The following FLNB variants were observed in gnomAD, a reference collection of about 807,000 sequenced individuals.
The protein encoded by FLNB is filamin B.
FLNB carries 111 observed loss-of-function variants against 250.6 expected under a neutral mutation model. The ratio of observed to expected loss-of-function variants is 0.44; its 90% confidence interval spans 0.38 to 0.52. The LOEUF is 0.52. Ranked by LOEUF, FLNB falls within the 20% of genes least tolerant of loss-of-function variation. The probability of loss-of-function intolerance (pLI) is 0.00; values close to 1 mark genes in which losing one functional copy is unlikely to be tolerated. For missense variants in FLNB, 2,869 were observed against 3,447.8 expected, an observed-to-expected ratio of 0.83 and a Z score of 4.20; for synonymous variants, 1,302 against 1,372.1, an observed-to-expected ratio of 0.95 and a Z score of 1.13.
At chr3:58,167,810 G>A (rs559568101) in intron 43 of FLNB, among the ~76,000 whole-genome samples, 3 of 152,266 alleles carry the variant, frequency 2.0e-5, no homozygotes, top group East Asian at 1.9e-4. Flanking sequence ...TACCACATGC[G>A]TAAATGGTGC....
intron 1 of FLNB, among the ~76,000 whole-genome samples, chr3:58,065,906 G>A (rs2097184863): frequency 6.6e-6 from 1 of 152,204 alleles, no homozygotes; most frequent in Non-Finnish European, 1.5e-5. Context: ...TTGCCGAGCA[G>A]TTGTAGCTGG....
rs2097137460 is a variant in FLNB at position 58,035,919 on chromosome 3, T to A, written c.292+27063T>A. ...TATTGGAATTAACTTTCTACAGAGATGTACTTTCAAATGAGACCATCCTTC... is the reference window on the plus strand; with the variant it reads ...TATTGGAATTAACTTTCTACAGAGAAGTACTTTCAAATGAGACCATCCTTC... On this transcript the variant is annotated intron_variant, in intron 1 of 45. Coordinates refer to ENST00000295956, the MANE Select transcript of FLNB (RefSeq NM_001457.4). 1.3e-5 allele frequency among the ~76,000 whole-genome samples: 2 copies of A among 152,220 alleles called. 1 individual carries two copies. The highest frequency in any genetic ancestry group is 4.1e-4 in the South Asian group (2 of 4,830).
chr3:58,017,787 A>G (rs2097107854), intron 1 of FLNB, among the ~76,000 whole-genome samples: 1 of 152,348 alleles, frequency 6.6e-6, no homozygotes, highest in Admixed American at 6.5e-5. Flanking sequence ...AATTTTGGCC[A>G]GATCCCATGC....
Position 58,121,663 on chromosome 3 carries a change from C to T in FLNB, c.3126+160C>T, listed in dbSNP as rs140853041. On this transcript the variant is annotated intron_variant, in intron 20 of 45. Coordinates refer to ENST00000295956, the MANE Select transcript of FLNB (RefSeq NM_001457.4). ...GGTCCCCTGGGTAGGTGGGTCACAA[C>T]CCTGCTCCTCCTCTTGCTCTCTGAC... Among the ~76,000 whole-genome samples the T allele has an allele frequency of 7.0e-4, 106 of 152,308 alleles. 1 individual carries two copies. Among genetic ancestry groups the T allele is most frequent in the African/African-American group, 2.4e-3 (99 of 41,586 alleles).
intron 8 of FLNB, 69 bp from the exon 9 acceptor site, chr3:58,102,134 G>A: frequency 1.3e-6 from 2 of 1,592,506 alleles, no homozygotes; most frequent in Non-Finnish European, 1.7e-6. Context: ...GTGGCTCCAG[G>A]TTACCTTGGC....
At chr3:58,012,150 G>A (rs1345107378) in intron 1 of FLNB, among the ~76,000 whole-genome samples, 2 of 150,316 alleles carry the variant, frequency 1.3e-5, no homozygotes, top group Non-Finnish European at 2.9e-5. Context: ...GGTGGAGGTT[G>A]CAGTGAGCCG....
chr3:58,025,080 G>T (rs1203487528), intron 1 of FLNB, among the ~76,000 whole-genome samples: 3 of 126,384 alleles, frequency 2.4e-5, no homozygotes, highest in Non-Finnish European at 3.3e-5. Context: ...CTCCTGTAAT[G>T]TCCTTCCCTT....
chr3:58,132,839 T>C lies in FLNB; in HGVS notation c.4422T>C (p.Asn1474=). The change falls in exon 26 of 46, where the codon AAT becomes AAC. Residue 1474 remains asparagine (N), a synonymous_variant. Coordinates refer to ENST00000295956, the MANE Select transcript of FLNB (RefSeq NM_001457.4). ...TGGAGCCAGTGAACGTGGTGGACAA[T>C]GGAGATGGCACACACACAGTAACCT... ...GLVEPVNVVD[N]GDGTHTVTYT... 6.2e-7 allele frequency: 1 copy of C among 1,614,078 alleles called. No individual in the cohort carries two copies. Among genetic ancestry groups the C allele is most frequent in the Non-Finnish European group, 8.5e-7 (1 of 1,179,996 alleles).
At chr3:58,146,129 TA>T in intron 33 of FLNB, 80 bp downstream of exon 33, 1 of 1,487,386 alleles carries the variant, frequency 6.7e-7, no homozygotes, top group Non-Finnish European at 9.4e-7. Flanking sequence ...GGGTGGCTTT[TA>T]AAAGTGAGAC....
intron 1 of FLNB, among the ~76,000 whole-genome samples, chr3:58,060,769 C>CAAAAAAAAAAAAAAAAAAAAA (rs71091334): frequency 4.7e-5 from 3 of 64,208 alleles, no homozygotes; most frequent in Non-Finnish European, 8.5e-5. Context: ...GACCTTGTCT[C>CAAAAAAAAAAAAAAAAAAAAA]AAAAAAAAAA....
intron 29 of FLNB, among the ~76,000 whole-genome samples, chr3:58,138,894 T>C (rs913115039): frequency 6.6e-6 from 1 of 152,226 alleles, no homozygotes; most frequent in Non-Finnish European, 1.5e-5. Flanking sequence ...CCTTCTTCCA[T>C]CTTCATGGCC....
chr3:58,131,123 A>G (rs2097306645), intron 25 of FLNB, among the ~76,000 whole-genome samples: 1 of 152,184 alleles, frequency 6.6e-6, no homozygotes, highest in South Asian at 2.1e-4. Context: ...ATTTAATAAT[A>G]TGGCTATCAA....
intron 1 of FLNB, among the ~76,000 whole-genome samples, chr3:58,044,638 T>A (rs28537238): frequency 0.041 from 6,256 of 151,752 alleles, 413 homozygotes; most frequent in African/African-American, 0.14. Context: ...AAGTAAAAAA[T>A]TCAAATAAAT....
chr3:58,159,519 A>G, intron 41 of FLNB, 35 bp from the exon 42 acceptor site: 1 of 1,613,246 alleles, frequency 6.2e-7, no homozygotes, highest in East Asian at 2.2e-5. Context: ...AGGAACGCCG[A>G]GGGCCATAAC....
chr3:58,012,240 C>T (rs1407413013), intron 1 of FLNB, among the ~76,000 whole-genome samples: 4 of 148,650 alleles, frequency 2.7e-5, no homozygotes, highest in South Asian at 2.1e-4. Context: ...AAGTCATGCC[C>T]GAATGGTTTG....
At position 58,145,022 on chromosome 3, in the gene FLNB, G is replaced by A. The variant is rs373618273; in HGVS notation, c.5426-899G>A. Among the ~76,000 whole-genome samples the A allele has an allele frequency of 3.3e-4, 50 of 152,324 alleles. No homozygotes were observed. The South Asian group carries it at 4.1e-3, about 13-fold the overall frequency. On this transcript the variant is annotated intron_variant, in intron 32 of 45. Coordinates refer to ENST00000295956, the MANE Select transcript of FLNB (RefSeq NM_001457.4). ...GCCCTTTGTGGTAGGAGTTGCAAAT[G>A]TTTCTCTGAGATTGGCATTTACTTT...
intron 29 of FLNB, among the ~76,000 whole-genome samples, chr3:58,141,630 C>G (rs1559724625): frequency 6.6e-6 from 1 of 152,220 alleles, no homozygotes; most frequent in Non-Finnish European, 1.5e-5. Context: ...CAGCTTAGGT[C>G]TGCGTGCTAC....
In FLNB at chr3:58,168,471, C is replaced by G; in HGVS notation, c.7230C>G (p.Thr2410=). 6.2e-7 allele frequency: 1 copy of G among 1,614,132 alleles called. No homozygotes were observed. The highest frequency in any genetic ancestry group is 2.2e-5 in the East Asian group (1 of 44,886). ...GIQSEFFINT[T]RAGPGTLSVT... is the part of the protein sequence containing the mutation. ...AGTCGGAATTCTTTATTAACACCAC[C>G]CGAGCAGGTCCAGGGACATTATCCG... is the stretch of plus-strand genomic sequence containing the variant. The change falls in exon 44 of 46, where the codon ACC becomes ACG. Residue 2410 remains threonine (T), a synonymous_variant. Transcript: ENST00000295956.
At chr3:58,014,755 G>A (rs1312922972) in intron 1 of FLNB, among the ~76,000 whole-genome samples, 1 of 152,136 alleles carries the variant, frequency 6.6e-6, no homozygotes, top group African/African-American at 2.4e-5. Flanking sequence ...TTGAGATGGA[G>A]TCTTGCTCTG....
Sources: gnomAD v4.1 joint callset for allele counts (sites outside exome capture counted in the v4.1 genomes callset) on GRCh38, gnomAD v4.1.1 for gene constraint, MANE v1.5 for transcripts, NCBI Gene and HGNC (gene_info 2026-07-23, HGNC 2026-07-21) for gene names.